The following GSN variants were observed in gnomAD, a reference collection of about 807,000 sequenced individuals.
GSN encodes the protein gelsolin.
Under a neutral mutation model 85.7 loss-of-function variants are expected in GSN, and 56 were observed. The ratio of observed to expected loss-of-function variants is 0.65; its 90% CI spans 0.53 to 0.82. The LOEUF is 0.82. GSN is among the 40% of genes least tolerant of loss of function. GSN has a pLI of 0.00. For missense variants in GSN, 857 were observed against 979.8 expected (o/e 0.87, Z 1.67); for synonymous variants, 373 against 399.1 (o/e 0.93, Z 0.78).
intron 2 of GSN, among the ~76,000 whole-genome samples, chr9:121,289,591 T>C (rs1432294416): frequency 1.3e-5 from 2 of 152,168 alleles, no homozygotes; most frequent in Non-Finnish European, 2.9e-5. Flanking sequence ...GGCTAACATT[T>C]CTTGAGCCTC....
At chr9:121,249,311 T>C (rs866656378) in intron 6 of GSN, among the ~76,000 whole-genome samples, 2 of 152,056 alleles carry the variant, frequency 1.3e-5, no homozygotes, top group Admixed American at 6.6e-5. Flanking sequence ...AAAAAATTTT[T>C]TTTTAAATAC....
intron 6 of GSN, among the ~76,000 whole-genome samples, chr9:121,249,306 A>T (rs550562548): frequency 1.5e-4 from 22 of 151,574 alleles, no homozygotes; most frequent in Admixed American, 2.0e-4. Context: ...AAAAAAAAAA[A>T]TTTTTTTTTA....
At chr9:121,275,622 C>G (rs1245407213) in intron 1 of GSN, among the ~76,000 whole-genome samples, 3 of 152,160 alleles carry the variant, frequency 2.0e-5, no homozygotes, top group Non-Finnish European at 2.9e-5. Context: ...ACCTCCCCTC[C>G]CACCACAGTA....
chr9:121,263,665 T>A (rs1318058501), upstream of GSN, among the ~76,000 whole-genome samples: 2 of 151,814 alleles, frequency 1.3e-5, no homozygotes, highest in Non-Finnish European at 2.9e-5. Context: ...CTGAGGCAGG[T>A]GGATCACCTG....
intron 5 of GSN, among the ~76,000 whole-genome samples, chr9:121,237,812 AT>A (rs2054525951): frequency 6.6e-6 from 1 of 152,258 alleles, no homozygotes; most frequent in East Asian, 1.9e-4. Context: ...TGAGGACATT[AT>A]TAGGTAACTA....
chr9:121,268,089 C>G (rs2055312822), upstream of GSN: 1 of 151,508 alleles, frequency 6.6e-6, no homozygotes, highest in East Asian at 1.9e-4. Flanking sequence ...GGCCGCCCCG[C>G]CCCGAGGGCG....
rs375589943 is a variant in GSN at position 121,312,373 on chromosome 9, G to C, written c.548G>C (p.Arg183Pro). The part of the protein sequence containing the change: ...IHQWCGSNSN[R>P]YERLKATQVS... The stretch of plus-strand genomic sequence containing the variant: ...CAGTGGTGTGGTTCCAACAGCAATC[G>C]GTATGAAAGACTGAAGGCCACACAG... The change falls in exon 6 of 18, where the codon CGG (arginine) becomes CCG (proline). Residue 183 changes from arginine (R) to proline (P), a missense_variant. Coordinates refer to ENST00000432226, the MANE Select transcript of GSN (RefSeq NM_198252.3). 8.1e-6 allele frequency: 13 copies of C among 1,614,106 alleles called. No homozygotes were observed. Among genetic ancestry groups the C allele is most frequent in the Non-Finnish European group, 1.0e-5 (12 of 1,179,980 alleles).
intron 2 of GSN, chr9:121,283,671 G>GTTCATTCA (rs10566145): frequency 0.024 from 3,035 of 128,890 alleles, 81 homozygotes; most frequent in Admixed American, 0.099. Context: ...ATGTATATAG[G>GTTCATTCA]TTCATTCATT....
At position 121,299,019 on chromosome 9, in the gene GSN, C is replaced by T. The variant is rs1207560354; in HGVS notation, c.-9-2944C>T. On this transcript the variant is annotated intron_variant, in intron 2 of 17. Transcript: ENST00000432226. This position sits in a 1 kb window ranked among gnomAD's most constrained non-coding sequence, Gnocchi z 4.2. ...AACTTCAGGAAGTAACAAGGGCTTG[C>T]TTAGAGACATGACGGTAAACCCTGA... 6.6e-6 allele frequency among the ~76,000 whole-genome samples: 1 copy of T among 152,160 alleles called. No homozygotes were observed. The highest frequency in any genetic ancestry group is 1.5e-5 in the Non-Finnish European group (1 of 68,020).
rs2061987276 is a variant in GSN, at chr9:121,318,561, G to A, written c.975+67G>A. 1.3e-6 allele frequency: 2 copies of A among 1,484,462 alleles called. No individual in the cohort carries two copies. The highest frequency in any genetic ancestry group is 1.9e-6 in the Non-Finnish European group (2 of 1,061,912). The allele number at this position is 1,484,462 out of a possible 1,614,324, so 92.0% of individuals were successfully genotyped here. Reference sequence around the variant, plus strand: ...TGTTTGGAGGGGATGGGCTGGAGTAGGGCGGGTGTCCCACCCTCAGTGTGG... The same window carrying A: ...TGTTTGGAGGGGATGGGCTGGAGTAAGGCGGGTGTCCCACCCTCAGTGTGG... On this transcript the variant is annotated intron_variant, in intron 9 of 17. Coordinates refer to ENST00000432226, the MANE Select transcript of GSN (RefSeq NM_198252.3). This position sits in a 1 kb window ranked among gnomAD's most constrained non-coding sequence, Gnocchi z 4.3.
intron 2 of GSN, among the ~76,000 whole-genome samples, chr9:121,289,297 T>C (rs966762921): frequency 6.6e-6 from 1 of 152,114 alleles, no homozygotes; most frequent in Admixed American, 6.5e-5. Context: ...GGGTCAAAGC[T>C]TGGGGCCAAG....
At chr9:121,215,334 T>C (rs186252639) in intron 4 of GSN, among the ~76,000 whole-genome samples, 22 of 151,756 alleles carry the variant, frequency 1.4e-4, no homozygotes, top group African/African-American at 4.8e-4. Context: ...TTTCAACATA[T>C]CATTTTTTTT....
chr9:121,316,208 T>G (rs2061685664), intron 7 of GSN, among the ~76,000 whole-genome samples: 1 of 152,226 alleles, frequency 6.6e-6, no homozygotes, highest in Admixed American at 6.5e-5. Context: ...GTTGAACTTT[T>G]TATTTTAGAA....
At chr9:121,246,637 T>C (rs1190290663) in intron 5 of GSN, among the ~76,000 whole-genome samples, 1 of 151,838 alleles carries the variant, frequency 6.6e-6, no homozygotes, top group Non-Finnish European at 1.5e-5. Context: ...CAATATCAGG[T>C]CCCTCCATAT....
intron 12 of GSN, 44 bp downstream of exon 12, chr9:121,324,688 G>A (rs781501901): frequency 1.1e-6 from 1 of 940,114 alleles, no homozygotes; most frequent in South Asian, 1.4e-5. Context: ...CCTGAGCCTT[G>A]TCCTTCTCTT....
chr9:121,204,611 A>G (rs1393647922), upstream of GSN, among the ~76,000 whole-genome samples: 1 of 152,222 alleles, frequency 6.6e-6, no homozygotes, highest in Non-Finnish European at 1.5e-5. Context: ...CCAAACATCC[A>G]TTGGGGTTTC....
intron 4 of GSN, among the ~76,000 whole-genome samples, chr9:121,227,302 G>A (rs1186859291): frequency 1.3e-5 from 2 of 152,092 alleles, no homozygotes; most frequent in East Asian, 1.9e-4. Flanking sequence ...GCTGAAACAG[G>A]AGGATTGCTT....
At chr9:121,253,729 G>A (rs113576912) in intron 6 of GSN, among the ~76,000 whole-genome samples, 32 of 152,262 alleles carry the variant, frequency 2.1e-4, no homozygotes, top group African/African-American at 3.9e-4. Flanking sequence ...AGGAACTGGC[G>A]GTTCTCTCTC....
At chr9:121,321,444 C>T in intron 11 of GSN, 43 bp downstream of exon 11, 1 of 1,602,294 alleles carries the variant, frequency 6.2e-7, no homozygotes, top group South Asian at 1.1e-5. Flanking sequence ...GGGGTACTGG[C>T]TGGGCCCTGA....
Sources: gnomAD v4.1 joint callset for allele counts (sites outside exome capture counted in the v4.1 genomes callset) on GRCh38, gnomAD v4.1.1 for gene constraint, Gnocchi (gnomAD v3.1) non-coding constraint, MANE v1.5 for transcripts, NCBI Gene and HGNC (gene_info 2026-07-23, HGNC 2026-07-21) for gene names.